Variants in CTNNA3 observed in about 807,000 individuals in gnomAD.
CTNNA3 encodes the protein catenin alpha 3, also known as catenin alpha-3.
CTNNA3 carries 76 observed loss-of-function variants against 95.7 expected under a neutral mutation model. The ratio of observed to expected loss-of-function variants is 0.79; its 90% confidence interval spans 0.66 to 0.96. The LOEUF (loss-of-function observed/expected upper bound fraction) is 0.96. CTNNA3 is among the 40% of genes least tolerant of loss of function. The pLI, the probability that CTNNA3 is intolerant of heterozygous loss-of-function variation, is 0.00. For synonymous variants in CTNNA3, 431 were observed against 374.4 expected (o/e 1.15, Z -1.74); for missense variants, 1,191 against 1,089.8 (o/e 1.09, Z -1.31).
chr10:66,680,932 AT>A, intron 9 of CTNNA3, among the ~76,000 whole-genome samples: 1 of 152,058 alleles, frequency 6.6e-6, no homozygotes, highest in East Asian at 1.9e-4. Flanking sequence ...CATTGAAGGA[AT>A]TTTTTCTTAT....
intron 9 of CTNNA3, among the ~76,000 whole-genome samples, chr10:66,709,720 G>A (rs1000855247): frequency 1.3e-5 from 2 of 151,958 alleles, no homozygotes; most frequent in South Asian, 2.1e-4. Context: ...GTTCTTATAC[G>A]TAGGTGACAC....
At chr10:66,392,257 G>A (rs942714220) in intron 11 of CTNNA3, among the ~76,000 whole-genome samples, 8 of 151,898 alleles carry the variant, frequency 5.3e-5, no homozygotes, top group Admixed American at 2.6e-4. Flanking sequence ...GGTCAAACCC[G>A]TCTCTACTTT....
chr10:67,724,788 T>G (rs1841199495), intron 1 of CTNNA3, among the ~76,000 whole-genome samples: 1 of 152,224 alleles, frequency 6.6e-6, no homozygotes, highest in African/African-American at 2.4e-5. Context: ...TTCCTGGTGC[T>G]GTGGCATAAA....
chr10:66,392,693 C>T (rs906926785), intron 11 of CTNNA3, among the ~76,000 whole-genome samples: 6 of 152,068 alleles, frequency 3.9e-5, no homozygotes, highest in African/African-American at 1.4e-4. Context: ...CATGGCCCAT[C>T]TATTAGAATG....
chr10:67,007,524 T>G (rs561676170), intron 7 of CTNNA3, among the ~76,000 whole-genome samples: 2 of 152,166 alleles, frequency 1.3e-5, no homozygotes, highest in African/African-American at 4.8e-5. Context: ...CAACTGCCAC[T>G]GAAACTTTAA....
At chr10:66,382,986 A>G (rs1315057942) in intron 11 of CTNNA3, among the ~76,000 whole-genome samples, 1 of 152,236 alleles carries the variant, frequency 6.6e-6, no homozygotes, top group East Asian at 1.9e-4. Flanking sequence ...AAAGATGGGA[A>G]GAAACCAGAG....
chr10:66,228,233 C>A (rs541821661), intron 13 of CTNNA3, among the ~76,000 whole-genome samples: 61 of 151,928 alleles, frequency 4.0e-4, no homozygotes, highest in African/African-American at 1.3e-3. Flanking sequence ...TTTGTTCTTG[C>A]TTTTCTAATT....
At chr10:66,313,951 C>A (rs999428255) in intron 12 of CTNNA3, among the ~76,000 whole-genome samples, 2 of 152,166 alleles carry the variant, frequency 1.3e-5, no homozygotes, top group Non-Finnish European at 2.9e-5. Context: ...GATTTCTTTG[C>A]TCTATTTTAA....
At chr10:67,295,997 T>C (rs1840015990) in intron 5 of CTNNA3, among the ~76,000 whole-genome samples, 1 of 152,172 alleles carries the variant, frequency 6.6e-6, no homozygotes, top group African/African-American at 2.4e-5. Flanking sequence ...GGAGGGTCCA[T>C]AGTAGACACT....
chr10:66,860,543 C>A (rs7897807), intron 7 of CTNNA3, among the ~76,000 whole-genome samples: 132,394 of 152,146 alleles, frequency 0.87, 58,039 homozygotes, highest in African/African-American at 0.96. Flanking sequence ...CAGTCTCCCT[C>A]ATGGCTCTTG....
chr10:66,295,688 A>C (rs946101986), intron 12 of CTNNA3, among the ~76,000 whole-genome samples: 1 of 152,174 alleles, frequency 6.6e-6, no homozygotes, highest in Non-Finnish European at 1.5e-5. Context: ...CTTTTTCCTC[A>C]GTGACTGCTG....
intron 10 of CTNNA3, among the ~76,000 whole-genome samples, chr10:66,597,529 TATATATATATATATATATATATA>T (rs1843755825): frequency 8.2e-6 from 1 of 121,338 alleles, no homozygotes; most frequent in African/African-American, 3.2e-5. Flanking sequence ...TATATATATA[TATATATATATATATATATATATA>T]TATTTATTAA....
intron 9 of CTNNA3, among the ~76,000 whole-genome samples, chr10:66,636,560 T>A (rs1201276588): frequency 1.3e-5 from 2 of 152,178 alleles, no homozygotes; most frequent in Non-Finnish European, 2.9e-5. Context: ...TGTGAAATCC[T>A]TGAAGACAGA....
chr10:66,660,734 C>CTTT (rs1846233851), intron 9 of CTNNA3, among the ~76,000 whole-genome samples: 1 of 152,168 alleles, frequency 6.6e-6, no homozygotes. Context: ...TTTGCTCAAA[C>CTTT]TCAGAGAAGT....
chr10:66,383,488 A>G (rs747753614), intron 11 of CTNNA3, among the ~76,000 whole-genome samples: 1 of 152,240 alleles, frequency 6.6e-6, no homozygotes, highest in African/African-American at 2.4e-5. Flanking sequence ...CCTGAAAGTG[A>G]TGGGAAGAAT....
chr10:67,501,395 A>T (rs1047540151), intron 5 of CTNNA3, among the ~76,000 whole-genome samples: 1 of 151,724 alleles, frequency 6.6e-6, no homozygotes, highest in African/African-American at 2.4e-5. Context: ...TGCCCTTAAC[A>T]TTTTTTCCTT....
At chr10:67,251,764 C>T (rs184793673) in intron 5 of CTNNA3, among the ~76,000 whole-genome samples, 3 of 152,188 alleles carry the variant, frequency 2.0e-5, no homozygotes, top group African/African-American at 7.2e-5. Context: ...CTAGAATTTG[C>T]CATCGTATGG....
At chr10:67,156,201 C>G (rs7073888) in intron 7 of CTNNA3, among the ~76,000 whole-genome samples, 97,540 of 151,532 alleles carry the variant, frequency 0.64, 32,412 homozygotes, top group African/African-American at 0.82. Flanking sequence ...CTAGTGGCTT[C>G]CCAATTTTGT....
At chr10:66,707,542 G>A (rs1371575681) in intron 9 of CTNNA3, among the ~76,000 whole-genome samples, 8 of 151,982 alleles carry the variant, frequency 5.3e-5, no homozygotes, top group African/African-American at 1.9e-4. Flanking sequence ...CATCTTAATT[G>A]TAGGAATCCA....
Sources: allele counts gnomAD v4.1 joint callset (sites outside exome capture counted in the v4.1 genomes callset), GRCh38; gene constraint gnomAD v4.1.1; transcripts MANE v1.5; gene names NCBI Gene and HGNC (gene_info 2026-07-23, HGNC 2026-07-21).